Variants in SLC9C2 observed in about 807,000 individuals in gnomAD.
SLC9C2 encodes solute carrier family 9 member C2 (putative).
SLC9C2 carries 75 observed loss-of-function variants against 140.2 expected under a neutral mutation model. The observed-to-expected ratio is 0.53, with a 90% confidence interval of 0.44 to 0.65. SLC9C2 has a LOEUF of 0.65. Ranked by LOEUF, SLC9C2 falls within the 30% of genes least tolerant of loss-of-function variation. The pLI, the probability that SLC9C2 is intolerant of heterozygous loss-of-function variation, is 0.00. For missense variants in SLC9C2, 1,074 were observed against 1,331.8 expected (o/e 0.81, Z 3.01); for synonymous variants, 375 against 420.9 (o/e 0.89, Z 1.34).
At chr1:173,501,655 C>G (rs139261582) in intron 27 of SLC9C2, among the ~76,000 whole-genome samples, 1 of 151,736 alleles carries the variant, frequency 6.6e-6, no homozygotes, top group Non-Finnish European at 1.5e-5. Context: ...GAACTACAGG[C>G]GCCCACCACC....
At position 173,506,417 on chromosome 1, in the gene SLC9C2, C is replaced by G. The variant is rs575779053; in HGVS notation, c.3225+439G>C. Among the ~76,000 whole-genome samples the G allele has an allele frequency of 1.7e-4, 26 of 152,306 alleles. No homozygotes were observed. In the South Asian group the frequency reaches 5.4e-3, roughly 32 times the overall value. On this transcript the variant is annotated intron_variant, in intron 25 of 27. Transcript: ENST00000367714. The stretch of plus-strand genomic sequence containing the variant: ...AGGTATGGAATGCTGAGGCCCAGGG[C>G]CCAGGATCTACTATCAAGTGCCCAT...
chr1:173,556,283 A>G (rs1002989714), intron 10 of SLC9C2, among the ~76,000 whole-genome samples: 20 of 152,338 alleles, frequency 1.3e-4, no homozygotes, highest in Admixed American at 1.2e-3. Flanking sequence ...GGCTCTTTGA[A>G]TCTTGCCTGG....
intron 4 of SLC9C2, among the ~76,000 whole-genome samples, chr1:173,592,705 C>T (rs1308522804): frequency 6.6e-6 from 1 of 152,144 alleles, no homozygotes; most frequent in Non-Finnish European, 1.5e-5. Context: ...CATTGATTTC[C>T]TATCCTGCAA....
At chr1:173,562,912 T>C (rs1664207002) in intron 9 of SLC9C2, among the ~76,000 whole-genome samples, 1 of 152,060 alleles carries the variant, frequency 6.6e-6, no homozygotes, top group South Asian at 2.1e-4. Flanking sequence ...ATTAAATCAT[T>C]AACTATACAA....
In SLC9C2 at chr1:173,524,817, C is replaced by T. The variant is rs150070386; in HGVS notation, c.2476G>A (p.Gly826Ser). The change falls in exon 20 of 28, where the codon GGC becomes AGC. Residue 826 changes from glycine to serine, a missense_variant. Physicochemically the swap from Gly to Ser is moderately conservative, Grantham distance 56 (BLOSUM62 0). Transcript: ENST00000367714. ...LKNLTFLCSR[G>S]IIDKHEVIEI... is the part of the protein sequence containing the mutation. ...ATGACTTCATGCTTATCAATAATGCCTCTTGAACAAAGGAAGGTGAGATTT... is the reference window on the plus strand; with the variant it reads ...ATGACTTCATGCTTATCAATAATGCTTCTTGAACAAAGGAAGGTGAGATTT... 1.0e-4 allele frequency: 168 copies of T among 1,613,854 alleles called. No homozygotes were observed. Among genetic ancestry groups the T allele is most frequent in the Non-Finnish European group, 1.3e-4 (159 of 1,179,940 alleles).
chr1:173,533,543 G>A lies in SLC9C2; in HGVS notation c.2163+66C>T, dbSNP rs574975845. On this transcript the variant is annotated intron_variant, in intron 17 of 27. Coordinates refer to ENST00000367714, the MANE Select transcript of SLC9C2 (RefSeq NM_178527.4). ...TCCACCCACCTAGGCCTCCCAAAGTGCTGGGATTATAGGTGTGAGCTACCA... is the reference window on the plus strand; with the variant it reads ...TCCACCCACCTAGGCCTCCCAAAGTACTGGGATTATAGGTGTGAGCTACCA... 9.6e-6 allele frequency: 12 copies of A among 1,250,998 alleles called. No homozygotes were observed. In the East Asian group the frequency reaches 1.7e-4, roughly 17 times the overall value. The allele number at this position is 1,250,998 out of a possible 1,614,324, so 77.5% of individuals were successfully genotyped here.
At chr1:173,517,845 T>A in intron 22 of SLC9C2, 141 bp from the exon 23 acceptor site, 1 of 672,212 alleles carries the variant, frequency 1.5e-6, no homozygotes, top group Non-Finnish European at 2.2e-6. Flanking sequence ...GAATTAGGCT[T>A]AAGAAAAAAA....
Position 173,547,729 on chromosome 1 carries a change from A to G in SLC9C2, c.1517T>C (p.Leu506Ser), listed in dbSNP as rs774966389. ...MKTESTTDEALMEEARLHVAA... is the reference protein window; with the variant it reads ...MKTESTTDEASMEEARLHVAA... Reference sequence around the variant, plus strand: ...TACATGCAATCTGGCTTCCTCCATTAAAGCTTCATCTGTTGTGGATTCTGT... The same window carrying G: ...TACATGCAATCTGGCTTCCTCCATTGAAGCTTCATCTGTTGTGGATTCTGT... The change falls in exon 13 of 28, where the codon TTA becomes TCA. Residue 506 changes from leucine to serine, a missense_variant. Transcript: ENST00000367714. 5.0e-6 allele frequency: 8 copies of G among 1,612,842 alleles called. No homozygotes were observed. The highest frequency in any genetic ancestry group is 2.5e-6 in the Non-Finnish European group (3 of 1,179,106).
At chr1:173,526,845 C>T in intron 18 of SLC9C2, 131 bp from the exon 19 acceptor site, 1 of 686,376 alleles carries the variant, frequency 1.5e-6, no homozygotes, top group Non-Finnish European at 2.4e-6. Flanking sequence ...TTCTGGCTTT[C>T]CTTTTATTTT....
At chr1:173,587,928 T>TA in intron 4 of SLC9C2, 98 bp from the exon 5 acceptor site, 5 of 897,258 alleles carry the variant, frequency 5.6e-6, no homozygotes, top group East Asian at 2.5e-5. Context: ...GTTGTAAATG[T>TA]TATACAATTA....
At chr1:173,536,688 G>A (rs1455927260) in intron 14 of SLC9C2, among the ~76,000 whole-genome samples, 1 of 152,096 alleles carries the variant, frequency 6.6e-6, no homozygotes, top group Non-Finnish European at 1.5e-5. Context: ...TTACATGACA[G>A]TCCAATCTTT....
At chr1:173,520,760 A>G (rs1159813313) in intron 22 of SLC9C2, among the ~76,000 whole-genome samples, 1 of 152,206 alleles carries the variant, frequency 6.6e-6, no homozygotes, top group South Asian at 2.1e-4. Flanking sequence ...TATTTTTGCC[A>G]TATTAAGGAT....
At chr1:173,546,452 G>C (rs1418334765) in intron 13 of SLC9C2, among the ~76,000 whole-genome samples, 1 of 152,154 alleles carries the variant, frequency 6.6e-6, no homozygotes, top group Non-Finnish European at 1.5e-5. Flanking sequence ...ATGGTGGCAC[G>C]CACTTGTAAT....
At chr1:173,602,263 T>C (rs1336181040) in intron 1 of SLC9C2, among the ~76,000 whole-genome samples, 1 of 152,066 alleles carries the variant, frequency 6.6e-6, no homozygotes, top group Admixed American at 6.6e-5. Context: ...GGAAGGAGCA[T>C]GGATAAATGT....
At chr1:173,582,539 C>T (rs2102220584) in intron 6 of SLC9C2, among the ~76,000 whole-genome samples, 1 of 152,150 alleles carries the variant, frequency 6.6e-6, no homozygotes, top group South Asian at 2.1e-4. Context: ...AAAAATTGTC[C>T]CACCCCAATG....
chr1:173,549,031 A>G (rs990393030), intron 11 of SLC9C2, among the ~76,000 whole-genome samples: 4 of 152,202 alleles, frequency 2.6e-5, no homozygotes, highest in African/African-American at 9.7e-5. Flanking sequence ...CAAGTTTAAC[A>G]TCTCTGTTTT....
intron 13 of SLC9C2, among the ~76,000 whole-genome samples, chr1:173,542,673 T>G (rs10912639): frequency 0.36 from 54,104 of 151,828 alleles, 12,108 homozygotes; most frequent in East Asian, 0.64. Flanking sequence ...GATCAAGGTG[T>G]CTTCATCCCT....
intron 8 of SLC9C2, among the ~76,000 whole-genome samples, chr1:173,573,763 T>C (rs559680937): frequency 6.6e-6 from 1 of 152,318 alleles, no homozygotes; most frequent in African/African-American, 2.4e-5. Context: ...CCTCTCCCTC[T>C]GTGACTCACA....
Position 173,583,567 on chromosome 1 carries a change from G to A in SLC9C2, c.579C>T (p.Ser193=). 1 of 1,610,452 alleles carries A rather than the reference G, an allele frequency of 6.2e-7. No homozygotes were observed. The highest frequency in any genetic ancestry group is 8.5e-7 in the Non-Finnish European group (1 of 1,178,408). ...LIRGESLIIC[S]IASIFFGNFR... ...AATTTCCAAAAAAAATTGATGCGAT[G>A]CTACAAATGATCAATGATTCTCCTC... The change falls in exon 6 of 28, where the codon AGC becomes AGT. Residue 193 remains serine, a synonymous_variant. Coordinates refer to ENST00000367714, the MANE Select transcript of SLC9C2 (RefSeq NM_178527.4).
Sources: gnomAD v4.1 joint callset for allele counts (sites outside exome capture counted in the v4.1 genomes callset) on GRCh38, gnomAD v4.1.1 for gene constraint, MANE v1.5 for transcripts, NCBI Gene and HGNC (gene_info 2026-07-23, HGNC 2026-07-21) for gene names.